PDE1B: variants seen among roughly 807,000 people sequenced by gnomAD.
The protein encoded by PDE1B is dual specificity calcium/calmodulin-dependent 3',5'-cyclic nucleotide phosphodiesterase 1B.
In PDE1B, 13 loss-of-function variants were observed where a neutral mutation model predicts 66.7. The observed-to-expected ratio is 0.19, with a 90% CI of 0.13 to 0.31. The LOEUF (loss-of-function observed/expected upper bound fraction) is 0.31, where lower values mean the gene tolerates loss of function less well. PDE1B is among the 10% of genes least tolerant of loss of function. The pLI is 1.00. For missense variants in PDE1B, 485 were observed against 682.3 expected, an observed-to-expected ratio of 0.71 and a Z score of 3.22; for synonymous variants, 230 against 253.9, an observed-to-expected ratio of 0.91 and a Z score of 0.90.
At chr12:54,570,462 T>C (rs1957596719) in intron 6 of PDE1B, 105 bp downstream of exon 6, 1 of 745,076 alleles carries the variant, frequency 1.3e-6, no homozygotes, top group African/African-American at 1.7e-5. Context: ...CCTCACTCAG[T>C]CTCAACATCA....
chr12:54,556,503 G>A (rs1957343714), intron 2 of PDE1B, among the ~76,000 whole-genome samples: 2 of 152,138 alleles, frequency 1.3e-5, no homozygotes, highest in Non-Finnish European at 2.9e-5. Context: ...CTCAGCTGGG[G>A]TTGCATCTAT....
intron 2 of PDE1B, among the ~76,000 whole-genome samples, chr12:54,554,996 G>A (rs2121033508): frequency 6.6e-6 from 1 of 152,278 alleles, no homozygotes; most frequent in South Asian, 2.1e-4. Context: ...TTTGAGCCGT[G>A]ATTGAAGGAG....
At chr12:54,577,193 C>A in intron 14 of PDE1B, 32 bp from the exon 15 acceptor site, 2 of 1,575,288 alleles carry the variant, frequency 1.3e-6, no homozygotes, top group Non-Finnish European at 1.7e-6. Context: ...ACTTCTTGGC[C>A]TAAGCTCAGC....
chr12:54,576,862 G>A, intron 14 of PDE1B, 161 bp downstream of exon 14: 1 of 724,896 alleles, frequency 1.4e-6, no homozygotes, highest in Non-Finnish European at 2.3e-6. Context: ...AAGACTGGCT[G>A]AGTGGCCTGG....
At chr12:54,551,226 G>C (rs1957273556) in intron 2 of PDE1B, among the ~76,000 whole-genome samples, 1 of 152,216 alleles carries the variant, frequency 6.6e-6, no homozygotes, top group Non-Finnish European at 1.5e-5. Context: ...ATGGTGATAA[G>C]ATGACACCTT....
chr12:54,562,426 G>C (rs1209603865), intron 2 of PDE1B, among the ~76,000 whole-genome samples: 1 of 152,216 alleles, frequency 6.6e-6, no homozygotes, highest in Non-Finnish European at 1.5e-5. Context: ...AAACGGGCAG[G>C]GATGGAGTTC....
At chr12:54,570,212 A>T in intron 5 of PDE1B, 29 bp from the exon 6 acceptor site, 2 of 1,354,464 alleles carry the variant, frequency 1.5e-6, no homozygotes, top group South Asian at 2.3e-5. Context: ...TGCTGCTGGA[A>T]AGCCACATAA....
In PDE1B at chr12:54,578,090, C is replaced by T. The variant is rs376600771; in HGVS notation, c.*248C>T. ...TCAGGCTCCCAGTGGTCACTGTGCC[C>T]ATCCCTCAGCCTCTGGATTCTCTTC... is the stretch of plus-strand genomic sequence containing the variant. On this transcript the variant is annotated 3_prime_UTR_variant, in exon 16 of 16. Coordinates refer to ENST00000243052, the MANE Select transcript of PDE1B (RefSeq NM_000924.4). 1.3e-5 allele frequency: 2 copies of T among 152,462 alleles called. No homozygotes were observed. The highest frequency in any genetic ancestry group is 4.8e-5 in the African/African-American group (2 of 41,584). 9.4% of individuals were successfully genotyped at this position (152,462 alleles called of 1,614,324 possible).
chr12:54,569,574 G>GGCCC lies in PDE1B; in HGVS notation c.440_443dup (p.Thr149ProfsTer20). 6.2e-7 allele frequency: 1 copy of GGCCC among 1,613,884 alleles called. No individual in the cohort carries two copies. Among genetic ancestry groups the GGCCC allele is most frequent in the Non-Finnish European group, 8.5e-7 (1 of 1,179,788 alleles). The stretch of plus-strand genomic sequence containing the variant: ...GTTCCGGAGAACATACACCTCTGTG[G>GGCCC]GCCCCACTTACTCTACTGCGGTTCT... On this transcript the variant is annotated frameshift_variant, in exon 5 of 16. Transcript: ENST00000243052. LOFTEE classifies it high-confidence loss of function. The surrounding 1 kb of genome is among the most constrained non-coding windows in gnomAD (Gnocchi z 4.4).
rs1957659856 is a variant in PDE1B at position 54,573,636 on chromosome 12, G to T, written c.991G>T (p.Val331Leu). The change falls in exon 10 of 16, where the codon GTG (valine) becomes TTG (leucine). Residue 331 changes from valine (V) to leucine (L), a missense_variant. By Grantham distance (32) the Val-to-Leu change is conservative. This residue lies in a region of PDE1B where 282 missense variants were observed against 453.4 expected (regional missense o/e 0.62). Coordinates refer to ENST00000243052, the MANE Select transcript of PDE1B (RefSeq NM_000924.4). This position sits in a 1 kb window ranked among gnomAD's most constrained non-coding sequence, Gnocchi z 5.2. ...VELRALVIEM[V>L]LATDMSCHFQ... ...ACTCCGAGCCCTGGTCATTGAGATG[G>T]TGTTGGCCACAGACATGTCCTGCCA... 6.2e-7 allele frequency: 1 copy of T among 1,614,140 alleles called. No individual in the cohort carries two copies. The highest frequency in any genetic ancestry group is 8.5e-7 in the Non-Finnish European group (1 of 1,180,024).
At position 54,565,879 on chromosome 12, in the gene PDE1B, C is replaced by T. The variant is rs899338016; in HGVS notation, c.114-1095C>T. 9.2e-5 allele frequency among the ~76,000 whole-genome samples: 14 copies of T among 152,178 alleles called. No individual in the cohort carries two copies. The South Asian group carries it at 2.1e-3, about 23-fold the overall frequency. ...CCTGGGAATTGATGCTAATTTCAGC[C>T]TCTGATCCCTGACTCATTCTCTTCT... On this transcript the variant is annotated intron_variant, in intron 2 of 15. Transcript: ENST00000243052.
rs200110175 is a variant in PDE1B, at chr12:54,567,860, A to ATT, written c.227+774_227+775insTT. Among the ~76,000 whole-genome samples, 221 of 150,350 alleles carry ATT rather than the reference A, an allele frequency of 1.5e-3. 1 individual carries two copies. Among genetic ancestry groups the ATT allele is most frequent in the South Asian group, 3.3e-3 (16 of 4,780 alleles). ...GTAAGATATTCATATATATATATAT[A>ATT]TATTTTTTTGTTTTGAGACAGAGTT... On this transcript the variant is annotated intron_variant, in intron 3 of 15. Coordinates refer to ENST00000243052, the MANE Select transcript of PDE1B (RefSeq NM_000924.4).
intron 6 of PDE1B, chr12:54,571,483 C>T (rs1303419355): frequency 1.3e-5 from 2 of 152,254 alleles, no homozygotes; most frequent in Non-Finnish European, 2.9e-5. Context: ...AACTCTGCCT[C>T]CTTACCTGGA....
chr12:54,576,180 G>A (rs771794413), intron 13 of PDE1B, 80 bp downstream of exon 13: 2 of 881,380 alleles, frequency 2.3e-6, no homozygotes, highest in Non-Finnish European at 3.8e-6. Context: ...AGAGAGGACC[G>A]ACTCACAGCC....
intron 2 of PDE1B, among the ~76,000 whole-genome samples, chr12:54,550,966 T>C (rs146244055): frequency 4.9e-4 from 75 of 152,300 alleles, no homozygotes; most frequent in African/African-American, 1.8e-3. Flanking sequence ...CTGTTGATTC[T>C]TAATCAGGGA....
chr12:54,569,462 A>T lies in PDE1B; in HGVS notation c.411-84A>T. 1.3e-6 allele frequency: 2 copies of T among 1,586,048 alleles called. No individual in the cohort carries two copies. Among genetic ancestry groups the T allele is most frequent in the Non-Finnish European group, 1.7e-6 (2 of 1,156,780 alleles). On this transcript the variant is annotated intron_variant, in intron 4 of 15. Coordinates refer to ENST00000243052, the MANE Select transcript of PDE1B (RefSeq NM_000924.4). This position sits in a 1 kb window ranked among gnomAD's most constrained non-coding sequence, Gnocchi z 4.4. ...CCATGACCACCAGCCATATGATCCCATGGCTCATCCCCACATCCCCAGCTG... is the reference window on the plus strand; with the variant it reads ...CCATGACCACCAGCCATATGATCCCTTGGCTCATCCCCACATCCCCAGCTG...
chr12:54,567,184 GA>G, intron 3 of PDE1B, 97 bp downstream of exon 3: 1 of 624,444 alleles, frequency 1.6e-6, no homozygotes, highest in South Asian at 1.9e-5. Flanking sequence ...GGCATGGACA[GA>G]GACCGGAAGA....
chr12:54,549,931 C>G lies in PDE1B; in HGVS notation c.59C>G (p.Pro20Arg), dbSNP rs1957251069. 1 of 1,614,162 alleles carries G rather than the reference C, an allele frequency of 6.2e-7. No homozygotes were observed. Among genetic ancestry groups the G allele is most frequent in the South Asian group, 1.1e-5 (1 of 91,092 alleles). Residue 20 changes from proline (P) to arginine (R), a missense_variant, in exon 2 of 16, where the codon CCC becomes CGC. Physicochemically the swap from Pro to Arg is moderately radical, Grantham distance 103. Transcript: ENST00000243052. The part of the protein sequence containing the change: ...EMLEESDCPS[P>R]LELKSAPSKK... Reference sequence around the variant, plus strand: ...CTGGAGGAGTCGGATTGCCCGTCACCCCTGGAGCTGAAGTCAGCCCCCAGC... The same window carrying G: ...CTGGAGGAGTCGGATTGCCCGTCACGCCTGGAGCTGAAGTCAGCCCCCAGC...
At chr12:54,565,061 T>A (rs894301475) in intron 2 of PDE1B, among the ~76,000 whole-genome samples, 1 of 152,246 alleles carries the variant, frequency 6.6e-6, no homozygotes, top group Non-Finnish European at 1.5e-5. Flanking sequence ...TTAGCGATTA[T>A]GCAAATACAT....
Sources: allele counts gnomAD v4.1 joint callset (sites outside exome capture counted in the v4.1 genomes callset), GRCh38; gene constraint gnomAD v4.1.1; regional missense constraint gnomAD v4.1.1; non-coding constraint Gnocchi (gnomAD v3.1); transcripts MANE v1.5; gene names NCBI Gene and HGNC (gene_info 2026-07-23, HGNC 2026-07-21).